Variants in INTU observed in about 807,000 individuals in gnomAD.
INTU encodes inturned planar cell polarity protein, also known as protein inturned.
A neutral mutation model predicts 100.5 loss-of-function variants in INTU; 68 were observed. The observed-to-expected ratio is 0.68, with a 90% CI of 0.56 to 0.83. The LOEUF is 0.83. Among genes scored for constraint, INTU ranks in the 40% least tolerant of loss-of-function variants. The probability of loss-of-function intolerance (pLI) is 0.00; values close to 1 mark genes in which losing one functional copy is unlikely to be tolerated. For synonymous variants in INTU, 357 were observed against 395.7 expected, an observed-to-expected ratio of 0.90 and a Z score of 1.16; for missense variants, 1,071 against 1,114.7, an observed-to-expected ratio of 0.96 and a Z score of 0.56.
chr4:127,677,040 C>T (rs1729238677), intron 6 of INTU, among the ~76,000 whole-genome samples: 1 of 152,146 alleles, frequency 6.6e-6, no homozygotes, highest in Admixed American at 6.5e-5. Context: ...GGCAGGGAGG[C>T]TGGGGGAGGG....
intron 5 of INTU, among the ~76,000 whole-genome samples, chr4:127,673,208 C>T (rs188692796): frequency 2.0e-5 from 3 of 152,154 alleles, no homozygotes; most frequent in East Asian, 1.9e-4. Context: ...GACAGGGCCT[C>T]GCTTTGTCAC....
chr4:127,699,240 A>G (rs1422107176), intron 8 of INTU: 1 of 152,044 alleles, frequency 6.6e-6, no homozygotes, highest in Admixed American at 6.6e-5. Flanking sequence ...TTTCATTTGT[A>G]TATATATTTG....
In INTU at chr4:127,706,669, T is replaced by C. The variant is rs767464577; in HGVS notation, c.1971T>C (p.Ala657=). The C allele has an allele frequency of 6.2e-7, 1 of 1,614,022 alleles. No individual in the cohort carries two copies. Residue 657 remains alanine, a synonymous_variant, in exon 12 of 16, where the codon GCT becomes GCC. Transcript: ENST00000335251. The part of the protein sequence containing the change: ...ASSPVPCLSC[A]DWFLTGSREK... ...CTCCAGTCCCCTGTTTGTCTTGTGC[T>C]GACTGGTTCCTTACTGGATCACGTG...
chr4:127,656,038 C>T (rs1350375798), intron 2 of INTU, among the ~76,000 whole-genome samples: 1 of 152,216 alleles, frequency 6.6e-6, no homozygotes, highest in Non-Finnish European at 1.5e-5. Context: ...CTCCCTGACC[C>T]CTTGCGCTTC....
intron 2 of INTU, among the ~76,000 whole-genome samples, chr4:127,644,651 T>G (rs1234341641): frequency 6.6e-6 from 1 of 152,228 alleles, no homozygotes; most frequent in Admixed American, 6.5e-5. Flanking sequence ...TATATTAAGA[T>G]GAACATTTTG....
At chr4:127,655,052 G>T (rs1051098762) in intron 2 of INTU, among the ~76,000 whole-genome samples, 1 of 151,822 alleles carries the variant, frequency 6.6e-6, no homozygotes, top group East Asian at 1.9e-4. Flanking sequence ...CGTAGTTCTC[G>T]AGCCTTGGTT....
rs146368663 is a variant in INTU at position 127,666,076 on chromosome 4, T to C, written c.972+2492T>C. ...GCCTTTTCTAGTGTTTGTTCAGCTT[T>C]TAGTATTCTGTGCCCAAACTGTTGT... On this transcript the variant is annotated intron_variant, in intron 4 of 15. Transcript: ENST00000335251. Among the ~76,000 whole-genome samples, 228 of 152,340 alleles carry C rather than the reference T, an allele frequency of 1.5e-3. 2 individuals carry two copies. The highest frequency in any genetic ancestry group is 2.5e-3 in the South Asian group (12 of 4,830).
Position 127,718,052 on chromosome 4 carries a change from A to G in INTU, c.*1616A>G, listed in dbSNP as rs929851775. ...GTTGCTTTTGTGATTTCATCATGAA[A>G]TCTTTGCCCATGCTCATGTCTTAAA... On this transcript the variant is annotated 3_prime_UTR_variant, in exon 16 of 16. Transcript: ENST00000335251. The G allele has an allele frequency of 1.9e-4, 29 of 152,240 alleles. No individual in the cohort carries two copies. The highest frequency in any genetic ancestry group is 5.5e-4 in the African/African-American group (23 of 41,546). 9.4% of individuals were successfully genotyped at this position (152,240 alleles called of 1,614,324 possible). A position where few individuals can be genotyped will look rare whatever the true frequency, so the allele number is the denominator to read the frequency against.
At position 127,711,018 on chromosome 4, in the gene INTU, C is replaced by G. The variant is rs1560621175; in HGVS notation, c.2475C>G (p.Gly825=). ...PTLEEVAQLS[G]SIHPQLIKNF... is the part of the protein sequence containing the mutation. ...TTGAAGAGGTGGCACAGCTAAGTGG[C>G]TCTATCCACCCTCAGCTAATAAAGA... Residue 825 remains glycine (G), a synonymous_variant, in exon 14 of 16, where the codon GGC becomes GGG. Transcript: ENST00000335251. The G allele has an allele frequency of 1.2e-6, 2 of 1,609,588 alleles. No homozygotes were observed. Among genetic ancestry groups the G allele is most frequent in the Non-Finnish European group, 1.7e-6 (2 of 1,176,970 alleles).
At chr4:127,681,682 C>G (rs1458448527) in intron 6 of INTU, among the ~76,000 whole-genome samples, 1 of 152,186 alleles carries the variant, frequency 6.6e-6, no homozygotes, top group Non-Finnish European at 1.5e-5. Context: ...CCATTCAGGA[C>G]ATAGGCATGG....
chr4:127,637,181 C>T (rs949755321), intron 1 of INTU, among the ~76,000 whole-genome samples: 2 of 152,144 alleles, frequency 1.3e-5, no homozygotes, highest in Non-Finnish European at 2.9e-5. Flanking sequence ...TGCCTGTTTC[C>T]CATGCACCAG....
intron 2 of INTU, among the ~76,000 whole-genome samples, chr4:127,654,032 C>G (rs922404681): frequency 0.037 from 5,584 of 150,978 alleles, 337 homozygotes; most frequent in African/African-American, 0.12. Context: ...TTATCAGAGA[C>G]TAGGATTGAA....
At chr4:127,688,971 C>CTTTTTTTTTT (rs763570146) in intron 8 of INTU, among the ~76,000 whole-genome samples, 3 of 88,026 alleles carry the variant, frequency 3.4e-5, no homozygotes, top group Admixed American at 2.5e-4. Context: ...TTCTTTCTTT[C>CTTTTTTTTTT]TTTTTTTTTT....
At position 127,708,619 on chromosome 4, in the gene INTU, T is replaced by G; in HGVS notation, c.2320T>G (p.Leu774Val). 6.3e-7 allele frequency: 1 copy of G among 1,599,602 alleles called. No homozygotes were observed. The highest frequency in any genetic ancestry group is 8.5e-7 in the Non-Finnish European group (1 of 1,169,814). ...TLPNPFHLGN[L>V]KKDLPEKELE... ...TCCAAATCCATTTCATTTGGGAAACTTGAAAAAGGACCTTCCAGAAAAAGA... is the reference window on the plus strand; with the variant it reads ...TCCAAATCCATTTCATTTGGGAAACGTGAAAAAGGACCTTCCAGAAAAAGA... Residue 774 changes from leucine to valine, a missense_variant, in exon 13 of 16, where the codon TTG (leucine) becomes GTG (valine). Physicochemically the swap from Leu to Val is conservative, Grantham distance 32 (BLOSUM62 1). Transcript: ENST00000335251.
rs1180432112 is a variant in INTU, at chr4:127,659,667, C to T, written c.768+2946C>T. Reference sequence around the variant, plus strand: ...TACATCGTCTCTTCCCGTCTTTATCCGGGAGCTTGGGTCCAAATTTTGCAG... The same window carrying T: ...TACATCGTCTCTTCCCGTCTTTATCTGGGAGCTTGGGTCCAAATTTTGCAG... On this transcript the variant is annotated intron_variant, in intron 3 of 15. Transcript: ENST00000335251. 2.6e-5 allele frequency among the ~76,000 whole-genome samples: 4 copies of T among 152,232 alleles called. No homozygotes were observed. The East Asian group carries it at 7.7e-4, about 29-fold the overall frequency.
At chr4:127,655,491 G>A (rs1315651040) in intron 2 of INTU, among the ~76,000 whole-genome samples, 2 of 151,190 alleles carry the variant, frequency 1.3e-5, no homozygotes, top group Non-Finnish European at 2.9e-5. Flanking sequence ...CGTGTGAGGT[G>A]TCAGTGTTCC....
Position 127,644,079 on chromosome 4 carries a change from C to A in INTU, c.682+23C>A. The A allele has an allele frequency of 2.5e-6, 4 of 1,592,088 alleles. No homozygotes were observed. In the South Asian group the frequency reaches 4.5e-5, roughly 18 times the overall value. On this transcript the variant is annotated intron_variant, in intron 2 of 15. Transcript: ENST00000335251. ...TTGGTAAGTGTTGCTGGTACACATC[C>A]ATCCCTGTTTACAGAGATCTTGATT... is the stretch of plus-strand genomic sequence containing the variant.
At chr4:127,675,842 G>C (rs113357165) in intron 6 of INTU, 6 of 245,608 alleles carry the variant, frequency 2.4e-5, no homozygotes, top group South Asian at 8.2e-5. Context: ...TTATGGCTTA[G>C]TCTTAAAAGT....
At chr4:127,666,381 G>T (rs1050406549) in intron 4 of INTU, among the ~76,000 whole-genome samples, 1 of 152,034 alleles carries the variant, frequency 6.6e-6, no homozygotes, top group African/African-American at 2.4e-5. Flanking sequence ...TTATCTTTGG[G>T]AGTCTTGTCA....
Sources: gnomAD v4.1 joint callset for allele counts (sites outside exome capture counted in the v4.1 genomes callset) on GRCh38, gnomAD v4.1.1 for gene constraint, MANE v1.5 for transcripts, NCBI Gene and HGNC (gene_info 2026-07-23, HGNC 2026-07-21) for gene names.